The following FBXO11 variants were observed in gnomAD, a reference collection of about 807,000 sequenced individuals.
The protein encoded by FBXO11 is F-box protein 11, also known as F-box only protein 11.
In FBXO11, 13 loss-of-function variants were observed where a neutral mutation model predicts 117.0. The ratio of observed to expected loss-of-function variants is 0.11; its 90% CI spans 0.07 to 0.18. FBXO11 has a LOEUF of 0.18. FBXO11 is among the 10% of genes least tolerant of loss of function. FBXO11 has a pLI of 1.00. For missense variants in FBXO11, 767 were observed against 1,164.4 expected (o/e 0.66, Z 4.97); for synonymous variants, 490 against 380.5 (o/e 1.29, Z -3.35).
chr2:47,880,000 GT>G (rs374178442), intron 1 of FBXO11, among the ~76,000 whole-genome samples: 8,456 of 144,012 alleles, frequency 0.059, 239 homozygotes, highest in Non-Finnish European at 0.071. Context: ...TTCAGAGAAG[GT>G]TTTTTTTTTT....
chr2:47,837,324 C>G (rs1672660054), intron 4 of FBXO11, among the ~76,000 whole-genome samples: 1 of 152,154 alleles, frequency 6.6e-6, no homozygotes, highest in African/African-American at 2.4e-5. Context: ...GTCAGGAGTT[C>G]AAGACCAGCC....
Position 47,857,997 on chromosome 2 carries a change from A to G in FBXO11, c.233-18228T>C, listed in dbSNP as rs181297578. Among the ~76,000 whole-genome samples, 367 of 152,366 alleles carry G rather than the reference A, an allele frequency of 2.4e-3. 4 individuals carry two copies. Among genetic ancestry groups the G allele is most frequent in the African/African-American group, 8.4e-3 (351 of 41,588 alleles). ...AAATCTTTACCAAAGTAGATGAAAT[A>G]TCGCATTAAAGAACAGCAGATGGCG... On this transcript the variant is annotated intron_variant, in intron 1 of 22. Coordinates refer to ENST00000403359, the MANE Select transcript of FBXO11 (RefSeq NM_001190274.2).
intron 21 of FBXO11, 52 bp downstream of exon 21, chr2:47,809,106 A>G (rs1320710788): frequency 1.7e-6 from 2 of 1,197,030 alleles, no homozygotes; most frequent in African/African-American, 3.1e-5. Flanking sequence ...TGCTAATTTA[A>G]AAAGGAAATC....
At chr2:47,886,778 T>C (rs568869811) in intron 1 of FBXO11, among the ~76,000 whole-genome samples, 1 of 152,114 alleles carries the variant, frequency 6.6e-6, no homozygotes, top group East Asian at 1.9e-4. Flanking sequence ...ATACACACAG[T>C]ACGGTTTGTT....
Position 47,841,875 on chromosome 2 carries a change from G to A in FBXO11, c.233-2106C>T, listed in dbSNP as rs998170984. 6.6e-5 allele frequency among the ~76,000 whole-genome samples: 10 copies of A among 152,022 alleles called. No individual in the cohort carries two copies. In the South Asian group the frequency reaches 1.7e-3, roughly 25 times the overall value. ...AGGATGGTCTCTAACTCCTGACCTCGTGATCCCCCCACCTCGGCCTCCCAA... is the reference window on the plus strand; with the variant it reads ...AGGATGGTCTCTAACTCCTGACCTCATGATCCCCCCACCTCGGCCTCCCAA... On this transcript the variant is annotated intron_variant, in intron 1 of 22. Transcript: ENST00000403359.
At chr2:47,820,480 G>A (rs1338488175) in intron 13 of FBXO11, 24 bp from the exon 14 acceptor site, 2 of 1,560,188 alleles carry the variant, frequency 1.3e-6, no homozygotes, top group Admixed American at 3.4e-5. Flanking sequence ...AAAGTTACAA[G>A]GTCAACATTT....
At chr2:47,888,000 G>C (rs549848176) in intron 1 of FBXO11, among the ~76,000 whole-genome samples, 50 of 151,802 alleles carry the variant, frequency 3.3e-4, no homozygotes, top group Non-Finnish European at 7.4e-4. Flanking sequence ...CTGGGTGAGA[G>C]AGTGAAACCT....
chr2:47,847,175 G>C (rs900190335), intron 1 of FBXO11, among the ~76,000 whole-genome samples: 3 of 152,144 alleles, frequency 2.0e-5, no homozygotes, highest in African/African-American at 7.2e-5. Context: ...AACCTGAAAG[G>C]TGTAGACTGC....
chr2:47,844,486 A>C (rs1188640415), intron 1 of FBXO11, among the ~76,000 whole-genome samples: 1 of 152,040 alleles, frequency 6.6e-6, no homozygotes, highest in East Asian at 1.9e-4. Flanking sequence ...CCCTTAGAAC[A>C]TATGCAGGAC....
At chr2:47,870,148 G>GTC (rs143294850) in intron 1 of FBXO11, among the ~76,000 whole-genome samples, 9 of 152,104 alleles carry the variant, frequency 5.9e-5, no homozygotes, top group Admixed American at 1.3e-4. Context: ...TCTCCTGAGT[G>GTC]TCTCTCTCTC....
chr2:47,868,910 G>A (rs1294797698), intron 1 of FBXO11, among the ~76,000 whole-genome samples: 1 of 152,216 alleles, frequency 6.6e-6, no homozygotes, highest in Non-Finnish European at 1.5e-5. Flanking sequence ...CACAGCAAAT[G>A]AAAGGCAGCA....
intron 1 of FBXO11, among the ~76,000 whole-genome samples, chr2:47,872,251 T>A (rs773736118): frequency 1.3e-5 from 2 of 151,060 alleles, no homozygotes; most frequent in Non-Finnish European, 3.0e-5. Flanking sequence ...TCTTAAAAAG[T>A]GTAGTCTGGG....
At chr2:47,886,424 T>A (rs890783149) in intron 1 of FBXO11, among the ~76,000 whole-genome samples, 72 of 151,146 alleles carry the variant, frequency 4.8e-4, no homozygotes, top group African/African-American at 1.7e-3. Flanking sequence ...GAGAATCGCT[T>A]GAACCCGGGA....
chr2:47,809,728 A>T, intron 19 of FBXO11, 21 bp from the exon 20 acceptor site: 1 of 1,483,996 alleles, frequency 6.7e-7, no homozygotes, highest in African/African-American at 1.4e-5. Flanking sequence ...ATTTACAAAC[A>T]AGTAGATACA....
intron 1 of FBXO11, among the ~76,000 whole-genome samples, chr2:47,884,777 T>C (rs561252957): frequency 3.3e-5 from 5 of 152,196 alleles, no homozygotes; most frequent in Admixed American, 1.3e-4. Context: ...TAATTAAAAC[T>C]TCATTCTGGC....
chr2:47,905,386 A>T (rs1189237843), intron 1 of FBXO11, 103 bp downstream of exon 1: 6 of 1,046,194 alleles, frequency 5.7e-6, no homozygotes, highest in Non-Finnish European at 7.0e-6. Flanking sequence ...TCCCACCCCC[A>T]GGGCGCGCAG....
intron 19 of FBXO11, chr2:47,810,107 C>G (rs1456052345): frequency 7.7e-6 from 4 of 518,186 alleles, no homozygotes; most frequent in Non-Finnish European, 1.4e-5. Flanking sequence ...CACGACTAAG[C>G]AATAAGAGCA....
intron 11 of FBXO11, among the ~76,000 whole-genome samples, chr2:47,830,627 T>C (rs939962518): frequency 6.6e-6 from 1 of 152,204 alleles, no homozygotes; most frequent in African/African-American, 2.4e-5. Context: ...CATTAATCCT[T>C]AATGGAAATA....
chr2:47,878,871 C>T (rs1343083200), intron 1 of FBXO11, among the ~76,000 whole-genome samples: 1 of 151,870 alleles, frequency 6.6e-6, no homozygotes, highest in Non-Finnish European at 1.5e-5. Context: ...CCCGGCTACT[C>T]GAGAGGCTGA....
Sources: gnomAD v4.1 joint callset for allele counts (sites outside exome capture counted in the v4.1 genomes callset) on GRCh38, gnomAD v4.1.1 for gene constraint, MANE v1.5 for transcripts, NCBI Gene and HGNC (gene_info 2026-07-23, HGNC 2026-07-21) for gene names.